Variants in SCUBE2 observed in about 807,000 individuals in gnomAD.
SCUBE2 encodes the protein signal peptide, CUB domain and EGF like domain containing 2, also known as signal peptide, CUB and EGF-like domain-containing protein 2.
In SCUBE2, 114 loss-of-function variants were observed where a neutral mutation model predicts 125.9. The ratio of observed to expected loss-of-function variants is 0.91; its 90% CI spans 0.78 to 1.06. SCUBE2 has a LOEUF of 1.06. Among genes scored for constraint, SCUBE2 ranks in the 50% least tolerant of loss-of-function variants. The pLI, the probability that SCUBE2 is intolerant of heterozygous loss-of-function variation, is 0.00. For missense variants in SCUBE2, 1,255 were observed against 1,301.8 expected, an observed-to-expected ratio of 0.96 and a Z score of 0.55; for synonymous variants, 459 against 492.9, an observed-to-expected ratio of 0.93 and a Z score of 0.91.
intron 14 of SCUBE2, among the ~76,000 whole-genome samples, chr11:9,048,307 A>T (rs1158875167): frequency 2.6e-5 from 4 of 152,224 alleles, no homozygotes; most frequent in Admixed American, 1.3e-4. Context: ...TAACTTTACA[A>T]TTTAGCTCTT....
At chr11:9,057,676 G>A (rs530384713) in intron 9 of SCUBE2, among the ~76,000 whole-genome samples, 11 of 151,868 alleles carry the variant, frequency 7.2e-5, no homozygotes, top group African/African-American at 2.4e-4. Context: ...CCGCCACCGC[G>A]CCCTCCACCA....
chr11:9,033,037 T>C (rs1024947688), intron 17 of SCUBE2, among the ~76,000 whole-genome samples: 1 of 152,158 alleles, frequency 6.6e-6, no homozygotes, highest in Non-Finnish European at 1.5e-5. Flanking sequence ...CACCTGCCAT[T>C]GGAGCCCACA....
At chr11:9,026,034 T>C in intron 20 of SCUBE2, 180 bp from the exon 21 acceptor site, 1 of 615,398 alleles carries the variant, frequency 1.6e-6, no homozygotes. Context: ...AGCTGGTAAT[T>C]GTGGACCCCC....
chr11:9,057,400 G>A (rs145240335), intron 9 of SCUBE2: 2 of 151,476 alleles, frequency 1.3e-5, no homozygotes, highest in African/African-American at 4.8e-5. Context: ...TATGCATTAA[G>A]AACAAACCAA....
At position 9,020,153 on chromosome 11, in the gene SCUBE2, T is replaced by C. The variant is rs1319419131; in HGVS notation, c.*892A>G. On this transcript the variant is annotated 3_prime_UTR_variant, in exon 23 of 23. Coordinates refer to ENST00000649792, the MANE Select transcript of SCUBE2 (RefSeq NM_001367977.2). ...AGATCCCTTGTGATGGGAAGCCCAC[T>C]TGGGGAGTAGAACCCTTGGCAATAC... Among the ~76,000 whole-genome samples the C allele has an allele frequency of 6.6e-6, 1 of 152,190 alleles. No individual in the cohort carries two copies. Among genetic ancestry groups the C allele is most frequent in the Non-Finnish European group, 1.5e-5 (1 of 68,038 alleles).
At chr11:9,064,544 G>A (rs572130264) in intron 7 of SCUBE2, 1 of 151,980 alleles carries the variant, frequency 6.6e-6, no homozygotes, top group South Asian at 2.1e-4. Context: ...ATATGGGGGA[G>A]GAGGAGCCAG....
chr11:9,086,812 C>G (rs1862107537), intron 2 of SCUBE2, among the ~76,000 whole-genome samples: 1 of 147,508 alleles, frequency 6.8e-6, no homozygotes, highest in Non-Finnish European at 1.5e-5. Context: ...AAGACTGCAC[C>G]ACTGCATTCC....
intron 16 of SCUBE2, among the ~76,000 whole-genome samples, chr11:9,039,434 T>C (rs148607900): frequency 1.2e-3 from 178 of 152,270 alleles, no homozygotes; most frequent in South Asian, 7.1e-3. Context: ...GAGGTGCCCC[T>C]TACTGAGATG....
In SCUBE2 at chr11:9,089,694, C is replaced by T. The variant is rs768627836; in HGVS notation, c.256+13G>A. On this transcript the variant is annotated intron_variant, in intron 2 of 22. Transcript: ENST00000649792. ...TCCCTACAGTCCCCCCACATGGTCC[C>T]CAAGGCACTTACCCTCACACTGCCT... 3 of 1,612,646 alleles carry T rather than the reference C, an allele frequency of 1.9e-6. No individual in the cohort carries two copies. Among genetic ancestry groups the T allele is most frequent in the East Asian group, 2.2e-5 (1 of 44,840 alleles).
At chr11:9,074,336 C>T (rs1861041632) in intron 4 of SCUBE2, 145 bp downstream of exon 4, 1 of 956,040 alleles carries the variant, frequency 1.0e-6, no homozygotes, top group Non-Finnish European at 1.5e-6. Flanking sequence ...CCCACGGTTA[C>T]CCGGCAGTGG....
chr11:9,086,169 A>T (rs1184535410), intron 2 of SCUBE2, among the ~76,000 whole-genome samples: 1 of 152,224 alleles, frequency 6.6e-6, no homozygotes, highest in Non-Finnish European at 1.5e-5. Flanking sequence ...TAAATAAGCA[A>T]ATAAGCAAAG....
At chr11:9,053,510 A>T in intron 11 of SCUBE2, 127 bp downstream of exon 11, 1 of 1,072,886 alleles carries the variant, frequency 9.3e-7, no homozygotes, top group Non-Finnish European at 1.4e-6. Context: ...TTTAAAGAAC[A>T]GTTGCTGCAG....
At chr11:9,079,146 C>A (rs1319845342) in intron 3 of SCUBE2, among the ~76,000 whole-genome samples, 1 of 152,144 alleles carries the variant, frequency 6.6e-6, no homozygotes, top group African/African-American at 2.4e-5. Context: ...GCTAGAAAGT[C>A]AATAAATAGT....
intron 19 of SCUBE2, among the ~76,000 whole-genome samples, chr11:9,028,615 A>C (rs932848188): frequency 1.3e-5 from 2 of 152,226 alleles, no homozygotes; most frequent in African/African-American, 4.8e-5. Flanking sequence ...AAGATGTTGA[A>C]GGGATTACTT....
At chr11:9,071,055 C>T (rs1048209732) in intron 4 of SCUBE2, among the ~76,000 whole-genome samples, 2 of 152,152 alleles carry the variant, frequency 1.3e-5, no homozygotes, top group African/African-American at 2.4e-5. Context: ...TGAGATGGCG[C>T]GGGAGGTGAC....
At chr11:9,090,695 G>GCC (rs914365309) in intron 1 of SCUBE2, among the ~76,000 whole-genome samples, 9 of 151,884 alleles carry the variant, frequency 5.9e-5, no homozygotes, top group Admixed American at 2.6e-4. Context: ...CCCATGGCCG[G>GCC]CCCCCTGCAC....
At position 9,066,769 on chromosome 11, in the gene SCUBE2, C is replaced by T. The variant is rs1199734203; in HGVS notation, c.688G>A (p.Asp230Asn). 7.4e-6 allele frequency: 12 copies of T among 1,614,044 alleles called. No individual in the cohort carries two copies. The highest frequency in any genetic ancestry group is 5.3e-5 in the African/African-American group (4 of 74,930). The change falls in exon 6 of 23, where the codon GAT (aspartate) becomes AAT (asparagine). Residue 230 changes from aspartate (D) to asparagine (N), a missense_variant. By Grantham distance (23) the Asp-to-Asn change is conservative. Transcript: ENST00000649792. ...GNGGCQHSCD[D>N]TADGPECSCH... Reference sequence around the variant, plus strand: ...CTGCACTCTGGGCCATCGGCTGTATCGTCACAGGAGTGCTGGCACCCACCG... The same window carrying T: ...CTGCACTCTGGGCCATCGGCTGTATTGTCACAGGAGTGCTGGCACCCACCG...
intron 16 of SCUBE2, among the ~76,000 whole-genome samples, chr11:9,045,582 T>A (rs1049069254): frequency 6.9e-6 from 1 of 145,426 alleles, no homozygotes. Flanking sequence ...CACCATCAAA[T>A]AGACCAGGAC....
At chr11:9,025,127 C>A (rs752541144) in intron 21 of SCUBE2, among the ~76,000 whole-genome samples, 2 of 152,196 alleles carry the variant, frequency 1.3e-5, no homozygotes, top group Non-Finnish European at 2.9e-5. Flanking sequence ...AGATGGGCCA[C>A]CTCTTCATCT....
Sources: gnomAD v4.1 joint callset for allele counts (sites outside exome capture counted in the v4.1 genomes callset) on GRCh38, gnomAD v4.1.1 for gene constraint, MANE v1.5 for transcripts, NCBI Gene and HGNC (gene_info 2026-07-23, HGNC 2026-07-21) for gene names.